The following NPAS3 variants were observed in gnomAD, a reference collection of about 807,000 sequenced individuals.
NPAS3 encodes neuronal PAS domain-containing protein 3.
NPAS3 carries 14 observed loss-of-function variants against 73.1 expected under a neutral mutation model. The ratio of observed to expected loss-of-function variants is 0.19; its 90% confidence interval spans 0.13 to 0.30. The LOEUF is 0.30. Among genes scored for constraint, NPAS3 ranks in the 10% least tolerant of loss-of-function variants. The pLI is 1.00. For synonymous variants in NPAS3, 620 were observed against 541.5 expected (o/e 1.14, Z -2.01); for missense variants, 1,096 against 1,250.0 (o/e 0.88, Z 1.86).
In NPAS3 at chr14:33,503,908, T is replaced by C. The variant is rs140325797; in HGVS notation, c.469-56213T>C. The stretch of plus-strand genomic sequence containing the variant: ...AATAGTAAAGAATTAATTGCTCTGC[T>C]AAAAGCTAATTGGTAGAAAGAATAA... On this transcript the variant is annotated intron_variant, in intron 4 of 11. Coordinates refer to ENST00000356141, the Ensembl canonical transcript of NPAS3. Among the ~76,000 whole-genome samples the C allele has an allele frequency of 3.8e-3, 573 of 152,158 alleles. 2 individuals are homozygous for C. Among genetic ancestry groups the C allele is most frequent in the African/African-American group, 0.013 (548 of 41,550 alleles).
intron 10 of NPAS3, among the ~76,000 whole-genome samples, chr14:33,794,295 C>T (rs1268868509): frequency 6.6e-6 from 1 of 152,168 alleles, no homozygotes; most frequent in Non-Finnish European, 1.5e-5. Context: ...ATTTGGGCAT[C>T]TCTGCAGAAG....
At chr14:33,358,993 G>C (rs2045469649) in intron 3 of NPAS3, among the ~76,000 whole-genome samples, 2 of 152,114 alleles carry the variant, frequency 1.3e-5, no homozygotes, top group South Asian at 4.1e-4. Flanking sequence ...GCAGAGTCTT[G>C]TGTCCCTTGG....
At chr14:33,572,368 T>C (rs1193821894) in intron 5 of NPAS3, among the ~76,000 whole-genome samples, 1 of 152,176 alleles carries the variant, frequency 6.6e-6, no homozygotes, top group Non-Finnish European at 1.5e-5. Context: ...AGCAGGTGAC[T>C]TGAAGAACAA....
chr14:33,377,378 C>T (rs1440934705), intron 4 of NPAS3, among the ~76,000 whole-genome samples: 1 of 152,166 alleles, frequency 6.6e-6, no homozygotes, highest in African/African-American at 2.4e-5. Flanking sequence ...TGAGGATAAA[C>T]ACCCAATCAG....
intron 2 of NPAS3, among the ~76,000 whole-genome samples, chr14:33,170,100 C>T (rs1224365956): frequency 1.3e-5 from 2 of 152,120 alleles, no homozygotes; most frequent in African/African-American, 4.8e-5. Flanking sequence ...TGAATTAAAA[C>T]ACAAAACTAT....
chr14:33,038,046 A>G (rs2040228480), intron 1 of NPAS3, among the ~76,000 whole-genome samples: 1 of 152,188 alleles, frequency 6.6e-6, no homozygotes, highest in African/African-American at 2.4e-5. Context: ...TGTGGAGGAA[A>G]GATCTATTTC....
chr14:33,704,315 A>T (rs1211802243), intron 6 of NPAS3, among the ~76,000 whole-genome samples: 1 of 152,220 alleles, frequency 6.6e-6, no homozygotes, highest in Non-Finnish European at 1.5e-5. Flanking sequence ...TTCTTGTAAC[A>T]ACAGAATTGT....
chr14:33,652,919 C>T (rs1367780061), intron 5 of NPAS3, among the ~76,000 whole-genome samples: 1 of 152,134 alleles, frequency 6.6e-6, no homozygotes, highest in Non-Finnish European at 1.5e-5. Context: ...CCTTGGACAG[C>T]AATCCAATTT....
At chr14:33,326,848 A>C (rs1016060317) in intron 3 of NPAS3, among the ~76,000 whole-genome samples, 1 of 152,214 alleles carries the variant, frequency 6.6e-6, no homozygotes, top group Non-Finnish European at 1.5e-5. Context: ...TGTCGGTAGC[A>C]GGTATACATG....
Position 33,500,816 on chromosome 14 carries a change from A to G in NPAS3, c.469-59305A>G, listed in dbSNP as rs117645447. 2.9e-3 allele frequency among the ~76,000 whole-genome samples: 446 copies of G among 152,028 alleles called. 3 individuals are homozygous for G. The highest frequency in any genetic ancestry group is 4.8e-3 in the Non-Finnish European group (326 of 67,920). ...CAAACATGTTTTAAGTGCAATCCAA[A>G]CTAGATTTAAATGTCACCGATGAAA... On this transcript the variant is annotated intron_variant, in intron 4 of 11. Transcript: ENST00000356141.
intron 2 of NPAS3, among the ~76,000 whole-genome samples, chr14:33,061,690 A>C (rs1454594566): frequency 6.6e-6 from 1 of 152,164 alleles, no homozygotes; most frequent in Non-Finnish European, 1.5e-5. Context: ...TTTAATCATC[A>C]CCCACGGGTC....
At position 33,652,300 on chromosome 14, in the gene NPAS3, C is replaced by A. The variant is rs867282176; in HGVS notation, c.559-23911C>A. ...CTGTTGCATTCTCCTCTGCTATAAC[C>A]TGAGGAAACAGCACCTTTTCACCTT... is the stretch of plus-strand genomic sequence containing the variant. On this transcript the variant is annotated intron_variant, in intron 5 of 11. Coordinates refer to ENST00000356141, the Ensembl canonical transcript of NPAS3. Among the ~76,000 whole-genome samples the A allele has an allele frequency of 7.2e-5, 11 of 152,208 alleles. No individual in the cohort carries two copies. In the East Asian group the frequency reaches 1.2e-3, roughly 16 times the overall value.
intron 5 of NPAS3, among the ~76,000 whole-genome samples, chr14:33,651,460 T>G (rs182588106): frequency 6.6e-6 from 1 of 152,268 alleles, no homozygotes; most frequent in Admixed American, 6.5e-5. Flanking sequence ...CCCTGAAGAC[T>G]CTCTTTTAGG....
intron 1 of NPAS3, among the ~76,000 whole-genome samples, chr14:33,033,528 A>G (rs1405823992): frequency 3.3e-5 from 5 of 152,110 alleles, no homozygotes; most frequent in African/African-American, 1.2e-4. Context: ...TATATACTAC[A>G]TATTGTCTTT....
chr14:33,378,990 C>T (rs899867621), intron 4 of NPAS3, among the ~76,000 whole-genome samples: 2 of 152,080 alleles, frequency 1.3e-5, no homozygotes, highest in Non-Finnish European at 1.5e-5. Flanking sequence ...CTGACATGAC[C>T]GCGAGTGGAA....
intron 1 of NPAS3, among the ~76,000 whole-genome samples, chr14:33,006,727 CT>C (rs1387363630): frequency 6.6e-6 from 1 of 152,146 alleles, no homozygotes; most frequent in Non-Finnish European, 1.5e-5. Context: ...CTTTATATAA[CT>C]GTTGGGACCC....
rs1595644719 is a variant in NPAS3 at position 33,800,617 on chromosome 14, C to T, written c.2310C>T (p.Gly770=). The T allele has an allele frequency of 5.2e-6, 7 of 1,345,972 alleles. No homozygotes were observed. The highest frequency in any genetic ancestry group is 4.0e-5 in the Admixed American group (1 of 24,758). 83.4% of individuals were successfully genotyped at this position (1,345,972 alleles called of 1,614,324 possible). A position where few individuals can be genotyped will look rare whatever the true frequency, so the allele number is the denominator to read the frequency against. ...ACGGCGGCGGGGGCGGGGGCGGGGG[C>T]GGCGGCGCGGGGGGCGGCGGCCCCA... Residue 770 remains glycine (G), a synonymous_variant, in exon 12 of 12, where the codon GGC becomes GGT. Coordinates refer to ENST00000356141, the Ensembl canonical transcript of NPAS3. This position sits in a 1 kb window ranked among gnomAD's most constrained non-coding sequence, Gnocchi z 6.5.
intron 1 of NPAS3, among the ~76,000 whole-genome samples, chr14:33,019,328 T>C: frequency 6.6e-6 from 1 of 152,214 alleles, no homozygotes; most frequent in East Asian, 1.9e-4. Flanking sequence ...CAAATAATTT[T>C]CCATTGAATA....
intron 3 of NPAS3, among the ~76,000 whole-genome samples, chr14:33,348,700 C>T (rs1387367261): frequency 6.6e-6 from 1 of 152,166 alleles, no homozygotes; most frequent in Admixed American, 6.5e-5. Context: ...CCAGCCATTC[C>T]TAGAGCCCAG....
Sources: allele counts gnomAD v4.1 joint callset (sites outside exome capture counted in the v4.1 genomes callset), GRCh38; gene constraint gnomAD v4.1.1; non-coding constraint Gnocchi (gnomAD v3.1); transcripts MANE v1.5; gene names NCBI Gene and HGNC (gene_info 2026-07-23, HGNC 2026-07-21).